NUDT16: variants seen among roughly 807,000 people sequenced by gnomAD.
NUDT16 encodes U8 snoRNA-decapping enzyme.
Under a neutral mutation model 11.7 loss-of-function variants are expected in NUDT16, and 12 were observed. The observed-to-expected ratio is 1.03, with a 90% CI of 0.66 to 1.67. The LOEUF (loss-of-function observed/expected upper bound fraction) is 1.67. Among genes scored for constraint, NUDT16 ranks in the 40% most tolerant of loss-of-function variants. The pLI, the probability that NUDT16 is intolerant of heterozygous loss-of-function variation, is 0.00. For missense variants in NUDT16, 303 were observed against 268.9 expected, an observed-to-expected ratio of 1.13 and a Z score of -0.89; for synonymous variants, 129 against 122.6, an observed-to-expected ratio of 1.05 and a Z score of -0.35.
chr3:131,382,376 C>A (rs1209836563), intron 2 of NUDT16, 61 bp downstream of exon 2: 1 of 1,603,096 alleles, frequency 6.2e-7, no homozygotes, highest in South Asian at 1.1e-5. Flanking sequence ...AGCTTTCTCT[C>A]CCCCAAGAAA....
rs996413323 is a variant in NUDT16 at position 131,383,585 on chromosome 3, T to C, written c.*244T>C. 65 of 726,392 alleles carry C rather than the reference T, an allele frequency of 8.9e-5. No homozygotes were observed. In the South Asian group the frequency reaches 1.1e-3, roughly 13 times the overall value. The allele number at this position is 726,392 out of a possible 1,614,324, so 45.0% of individuals were successfully genotyped here. ...TTCTCAGAGCCTGCCTCCTCCCTGT[T>C]TATATGCGTACAGCCTGGTAACCCC... On this transcript the variant is annotated 3_prime_UTR_variant, in exon 3 of 3. Coordinates refer to ENST00000521288, the MANE Select transcript of NUDT16 (RefSeq NM_152395.3). The surrounding 1 kb of genome is among the most constrained non-coding windows in gnomAD (Gnocchi z 4.4).
Position 131,383,482 on chromosome 3 carries a change from T to C in NUDT16, c.*141T>C. 6.6e-7 allele frequency: 1 copy of C among 1,522,390 alleles called. No homozygotes were observed. Among genetic ancestry groups the C allele is most frequent in the South Asian group, 1.2e-5 (1 of 82,506 alleles). The allele number at this position is 1,522,390 out of a possible 1,614,324, so 94.3% of individuals were successfully genotyped here. ...TGAAAAGAAGGAGAAGTGTGTACCA[T>C]ATGTTTTGAGCAGAGGACCCTCCAA... is the stretch of plus-strand genomic sequence containing the variant. On this transcript the variant is annotated 3_prime_UTR_variant, in exon 3 of 3. Transcript: ENST00000521288. The surrounding 1 kb of genome is among the most constrained non-coding windows in gnomAD (Gnocchi z 4.4).
Position 131,385,187 on chromosome 3 carries a change from A to G in NUDT16, c.*1846A>G, listed in dbSNP as rs76467100. The G allele has an allele frequency of 0.011, 1,665 of 152,170 alleles. 35 individuals are homozygous for G. Among genetic ancestry groups the G allele is most frequent in the African/African-American group, 0.037 (1,553 of 41,478 alleles). The allele number at this position is 152,170 out of a possible 1,614,324, so 9.4% of individuals were successfully genotyped here. The stretch of plus-strand genomic sequence containing the variant: ...AATTAGAGGTCTTGACAAGATAGAA[A>G]CTCCAGCATGGTGAGGGGTTGGGCA... On this transcript the variant is annotated 3_prime_UTR_variant, in exon 3 of 3. Coordinates refer to ENST00000521288, the MANE Select transcript of NUDT16 (RefSeq NM_152395.3).
In NUDT16 at chr3:131,381,903, G is replaced by A; in HGVS notation, c.99G>A (p.Gly33=). 6.2e-7 allele frequency: 1 copy of A among 1,611,272 alleles called. No individual in the cohort carries two copies. Among genetic ancestry groups the A allele is most frequent in the South Asian group, 1.1e-5 (1 of 91,020 alleles). ...CHALLYAPDP[G]MLFGRIPLRY... is the part of the protein sequence containing the mutation. ...CTCTCCTCTACGCGCCGGACCCTGG[G>A]ATGCTCTTCGGCCGCATCCCGCTGC... The change falls in exon 1 of 3, where the codon GGG becomes GGA. Residue 33 remains glycine (G), a synonymous_variant. Coordinates refer to ENST00000521288, the MANE Select transcript of NUDT16 (RefSeq NM_152395.3).
chr3:131,382,706 A>G (rs1429939017), intron 2 of NUDT16: 4 of 1,409,782 alleles, frequency 2.8e-6, no homozygotes, highest in Non-Finnish European at 2.8e-6. Context: ...TAGATTATGT[A>G]TGAAGGTGGT....
rs16836565 is a variant in NUDT16 at position 131,383,329 on chromosome 3, A to T, written c.576A>T (p.Pro192=). The T allele has an allele frequency of 2.8e-3, 4,459 of 1,614,120 alleles. 97 individuals are homozygous for T. In the African/African-American group the frequency reaches 0.049, roughly 18 times the overall value. ...GCTCTATTTCAGGCCTTAAGATTCCAGCTCATCACTAGAGGCAGCCCTCCA... is the reference window on the plus strand; with the variant it reads ...GCTCTATTTCAGGCCTTAAGATTCCTGCTCATCACTAGAGGCAGCCCTCCA... ...QSGSISGLKI[P]AHH is the part of the protein sequence containing the mutation. The change falls in exon 3 of 3, where the codon CCA becomes CCT. Residue 192 remains proline, a synonymous_variant. Transcript: ENST00000521288. The surrounding 1 kb of genome is among the most constrained non-coding windows in gnomAD (Gnocchi z 4.4).
At position 131,385,285 on chromosome 3, in the gene NUDT16, T is replaced by G. The variant is rs1469355104; in HGVS notation, c.*1944T>G. On this transcript the variant is annotated 3_prime_UTR_variant, in exon 3 of 3. Coordinates refer to ENST00000521288, the MANE Select transcript of NUDT16 (RefSeq NM_152395.3). ...GGAGCAATCTCAGGTAAAGGCAAAA[T>G]AGAGGGTATGACCTGGGGTTGCTGG... is the stretch of plus-strand genomic sequence containing the variant. The G allele has an allele frequency of 6.6e-6, 1 of 152,038 alleles. No individual in the cohort carries two copies. Among genetic ancestry groups the G allele is most frequent in the Non-Finnish European group, 1.5e-5 (1 of 68,078 alleles). 9.4% of individuals were successfully genotyped at this position (152,038 alleles called of 1,614,324 possible). A position where few individuals can be genotyped will look rare whatever the true frequency, so the allele number is the denominator to read the frequency against.
rs1055366857 is a variant in NUDT16, at chr3:131,388,426, G to A, written c.*5085G>A. 6.6e-6 allele frequency: 1 copy of A among 152,122 alleles called. No individual in the cohort carries two copies. The highest frequency in any genetic ancestry group is 1.5e-5 in the Non-Finnish European group (1 of 68,024). 9.4% of individuals were successfully genotyped at this position (152,122 alleles called of 1,614,324 possible). On this transcript the variant is annotated 3_prime_UTR_variant, in exon 3 of 3. Coordinates refer to ENST00000521288, the MANE Select transcript of NUDT16 (RefSeq NM_152395.3). The stretch of plus-strand genomic sequence containing the variant: ...GTGGGCAGTACTCACTATGTTCAGG[G>A]GAACAAAAAGATAAAAACTAAAAAG...
rs111996089 is a variant in NUDT16 at position 131,388,794 on chromosome 3, T to C, written c.*5453T>C. The C allele has an allele frequency of 1.4e-5, 2 of 138,836 alleles. No individual in the cohort carries two copies. Among genetic ancestry groups the C allele is most frequent in the Non-Finnish European group, 3.0e-5 (2 of 66,526 alleles). The allele number at this position is 138,836 out of a possible 1,614,324, so 8.6% of individuals were successfully genotyped here. A position where few individuals can be genotyped will look rare whatever the true frequency, so the allele number is the denominator to read the frequency against. Reference sequence around the variant, plus strand: ...ATATGTATATTGAGCATAATAAATATTTTATAAATAACAATAAATCATTTG... The same window carrying C: ...ATATGTATATTGAGCATAATAAATACTTTATAAATAACAATAAATCATTTG... On this transcript the variant is annotated 3_prime_UTR_variant, in exon 3 of 3. Coordinates refer to ENST00000521288, the MANE Select transcript of NUDT16 (RefSeq NM_152395.3).
rs1365081853 is a variant in NUDT16, at chr3:131,384,582, G to A, written c.*1241G>A. 1 of 152,298 alleles carries A rather than the reference G, an allele frequency of 6.6e-6. No homozygotes were observed. Among genetic ancestry groups the A allele is most frequent in the African/African-American group, 2.4e-5 (1 of 41,422 alleles). 9.4% of individuals were successfully genotyped at this position (152,298 alleles called of 1,614,324 possible). Reference sequence around the variant, plus strand: ...GAGGGGCACAAAGAGGAGGACCCCTGAAGGAGCAGAGTCCATGAGAAAGAA... The same window carrying A: ...GAGGGGCACAAAGAGGAGGACCCCTAAAGGAGCAGAGTCCATGAGAAAGAA... On this transcript the variant is annotated 3_prime_UTR_variant, in exon 3 of 3. Transcript: ENST00000521288.
At chr3:131,382,503 G>A (rs1226985943) in intron 2 of NUDT16, 188 bp downstream of exon 2, 1 of 1,536,176 alleles carries the variant, frequency 6.5e-7, no homozygotes, top group African/African-American at 1.4e-5. Flanking sequence ...TGGGCTTTCT[G>A]TAAAGGTCTT....
At position 131,386,035 on chromosome 3, in the gene NUDT16, T is replaced by A. The variant is rs2097459730; in HGVS notation, c.*2694T>A. On this transcript the variant is annotated 3_prime_UTR_variant, in exon 3 of 3. Transcript: ENST00000521288. ...ACTGATCAGTCTCTCAGTGCCTGCC[T>A]ACTGGGCAGCTCATCTGTCCACTTA... 1 of 152,286 alleles carries A rather than the reference T, an allele frequency of 6.6e-6. No homozygotes were observed. The highest frequency in any genetic ancestry group is 1.5e-5 in the Non-Finnish European group (1 of 68,086). The allele number at this position is 152,286 out of a possible 1,614,324, so 9.4% of individuals were successfully genotyped here. A position where few individuals can be genotyped will look rare whatever the true frequency, so the allele number is the denominator to read the frequency against.
chr3:131,382,011 G>A (rs1406496966), intron 1 of NUDT16, 35 bp from the exon 2 acceptor site: 2 of 1,581,464 alleles, frequency 1.3e-6, no homozygotes, highest in African/African-American at 1.3e-5. Context: ...CTCCTCTGGG[G>A]CGCCCCTGCC....
Position 131,383,571 on chromosome 3 carries a change from T to C in NUDT16, c.*230T>C. ...GGCACCCTGGCAGGTTCTCAGAGCC[T>C]GCCTCCTCCCTGTTTATATGCGTAC... On this transcript the variant is annotated 3_prime_UTR_variant, in exon 3 of 3. Transcript: ENST00000521288. This position sits in a 1 kb window ranked among gnomAD's most constrained non-coding sequence, Gnocchi z 4.4. 1.2e-6 allele frequency: 1 copy of C among 852,890 alleles called. No individual in the cohort carries two copies. The highest frequency in any genetic ancestry group is 2.7e-5 in the East Asian group (1 of 37,650). 52.8% of individuals were successfully genotyped at this position (852,890 alleles called of 1,614,324 possible).
rs1265141307 is a variant in NUDT16, at chr3:131,387,858, CA to C, written c.*4521del. The C allele has an allele frequency of 1.3e-5, 2 of 152,146 alleles. No homozygotes were observed. Among genetic ancestry groups the C allele is most frequent in the Non-Finnish European group, 1.5e-5 (1 of 68,044 alleles). 9.4% of individuals were successfully genotyped at this position (152,146 alleles called of 1,614,324 possible). On this transcript the variant is annotated 3_prime_UTR_variant, in exon 3 of 3. Coordinates refer to ENST00000521288, the MANE Select transcript of NUDT16 (RefSeq NM_152395.3). ...GTGAATGACCCCAATTGTTTGAAAC[CA>C]AAAGAGCAGAATTGCCCCTAATTGA...
In NUDT16 at chr3:131,383,484, T is replaced by C. The variant is rs1484865299; in HGVS notation, c.*143T>C. 1 of 1,515,850 alleles carries C rather than the reference T, an allele frequency of 6.6e-7. No homozygotes were observed. The highest frequency in any genetic ancestry group is 2.0e-5 in the Admixed American group (1 of 49,990). The allele number at this position is 1,515,850 out of a possible 1,614,324, so 93.9% of individuals were successfully genotyped here. Reference sequence around the variant, plus strand: ...AAAAGAAGGAGAAGTGTGTACCATATGTTTTGAGCAGAGGACCCTCCAACT... The same window carrying C: ...AAAAGAAGGAGAAGTGTGTACCATACGTTTTGAGCAGAGGACCCTCCAACT... On this transcript the variant is annotated 3_prime_UTR_variant, in exon 3 of 3. Coordinates refer to ENST00000521288, the MANE Select transcript of NUDT16 (RefSeq NM_152395.3). This position sits in a 1 kb window ranked among gnomAD's most constrained non-coding sequence, Gnocchi z 4.4.
At position 131,384,713 on chromosome 3, in the gene NUDT16, G is replaced by A. The variant is rs1245001227; in HGVS notation, c.*1372G>A. The A allele has an allele frequency of 6.6e-6, 1 of 152,230 alleles. No homozygotes were observed. The highest frequency in any genetic ancestry group is 2.4e-5 in the African/African-American group (1 of 41,444). 9.4% of individuals were successfully genotyped at this position (152,230 alleles called of 1,614,324 possible). A position where few individuals can be genotyped will look rare whatever the true frequency, so the allele number is the denominator to read the frequency against. ...AAGATTAGGATGACTAAATTAATGG[G>A]GAAATGATGAAGGAGTTTGAATCTC... On this transcript the variant is annotated 3_prime_UTR_variant, in exon 3 of 3. Transcript: ENST00000521288.
rs1414731365 is a variant in NUDT16 at position 131,387,942 on chromosome 3, A to T, written c.*4601A>T. 1.3e-5 allele frequency: 2 copies of T among 152,252 alleles called. No individual in the cohort carries two copies. Among genetic ancestry groups the T allele is most frequent in the Non-Finnish European group, 2.9e-5 (2 of 68,044 alleles). The allele number at this position is 152,252 out of a possible 1,614,324, so 9.4% of individuals were successfully genotyped here. A position where few individuals can be genotyped will look rare whatever the true frequency, so the allele number is the denominator to read the frequency against. ...AAATAGAAGAGGATGTGAGCACCAG[A>T]TGCACGTGATAAAGACCATGCTCTG... On this transcript the variant is annotated 3_prime_UTR_variant, in exon 3 of 3. Transcript: ENST00000521288.
rs2097455855 is a variant in NUDT16 at position 131,382,106 on chromosome 3, A to G, written c.199A>G (p.Arg67Gly). ...FPGGFVDTQDRSLEDGLNREL... is the reference protein window; with the variant it reads ...FPGGFVDTQDGSLEDGLNREL... Reference sequence around the variant, plus strand: ...CGGCGGATTCGTGGACACGCAGGACAGAAGCCTAGAGGACGGGCTGAACCG... The same window carrying G: ...CGGCGGATTCGTGGACACGCAGGACGGAAGCCTAGAGGACGGGCTGAACCG... Residue 67 changes from arginine (R) to glycine (G), a missense_variant, in exon 2 of 3, where the codon AGA (arginine) becomes GGA (glycine). Arg to Gly is a moderately radical substitution (Grantham distance 125). Coordinates refer to ENST00000521288, the MANE Select transcript of NUDT16 (RefSeq NM_152395.3). The G allele has an allele frequency of 1.9e-6, 3 of 1,605,084 alleles. No individual in the cohort carries two copies. The highest frequency in any genetic ancestry group is 1.3e-5 in the African/African-American group (1 of 74,596).
Sources: allele counts gnomAD v4.1 joint callset, GRCh38; gene constraint gnomAD v4.1.1; non-coding constraint Gnocchi (gnomAD v3.1); transcripts MANE v1.5; gene names NCBI Gene and HGNC (gene_info 2026-07-23, HGNC 2026-07-21).